The following MCOLN3 variants were observed in gnomAD, a reference collection of about 807,000 sequenced individuals.
MCOLN3 encodes mucolipin-3.
A neutral mutation model predicts 69.4 loss-of-function variants in MCOLN3; 62 were observed. The observed-to-expected ratio is 0.89, with a 90% CI of 0.73 to 1.10. The LOEUF (loss-of-function observed/expected upper bound fraction) is 1.10. Ranked by LOEUF, MCOLN3 falls within the 50% of genes least tolerant of loss-of-function variation. The pLI, the probability that MCOLN3 is intolerant of heterozygous loss-of-function variation, is 0.00. For missense variants in MCOLN3, 564 were observed against 656.4 expected, an observed-to-expected ratio of 0.86 and a Z score of 1.54; for synonymous variants, 183 against 217.0, an observed-to-expected ratio of 0.84 and a Z score of 1.38.
intron 12 of MCOLN3, among the ~76,000 whole-genome samples, chr1:85,020,181 A>T (rs1651856412): frequency 6.6e-6 from 1 of 152,204 alleles, no homozygotes; most frequent in Non-Finnish European, 1.5e-5. Flanking sequence ...TCCTAAGGAC[A>T]CATCTGCTAA....
Position 85,020,968 on chromosome 1 carries a change from T to A in MCOLN3, c.1527+102A>T, listed in dbSNP as rs563942793. Reference sequence around the variant, plus strand: ...TCCTTTTTCTCTATCCTGAAGAAATTAACATTCCATCAACTTTTCTTCTAC... The same window carrying A: ...TCCTTTTTCTCTATCCTGAAGAAATAAACATTCCATCAACTTTTCTTCTAC... On this transcript the variant is annotated intron_variant, in intron 12 of 12. Transcript: ENST00000370589. 26 of 807,272 alleles carry A rather than the reference T, an allele frequency of 3.2e-5. No individual in the cohort carries two copies. In the South Asian group the frequency reaches 5.3e-4, roughly 16 times the overall value. 50.0% of individuals were successfully genotyped at this position (807,272 alleles called of 1,614,324 possible). A position where few individuals can be genotyped will look rare whatever the true frequency, so the allele number is the denominator to read the frequency against.
In MCOLN3 at chr1:85,026,489, G is replaced by C. The variant is rs142930378; in HGVS notation, c.833-205C>G. Among the ~76,000 whole-genome samples the C allele has an allele frequency of 1.4e-3, 214 of 152,218 alleles. 1 individual carries two copies. Among genetic ancestry groups the C allele is most frequent in the Non-Finnish European group, 2.7e-3 (181 of 68,014 alleles). On this transcript the variant is annotated intron_variant, in intron 7 of 12. Coordinates refer to ENST00000370589, the MANE Select transcript of MCOLN3 (RefSeq NM_018298.11). ...ACCACAACTGAGGCTGGGTGTGGTG[G>C]CTCATGCCTGTAATCCCAGCACTTT...
chr1:85,022,282 T>C lies in MCOLN3; in HGVS notation c.1197+17A>G. The C allele has an allele frequency of 6.2e-7, 1 of 1,613,610 alleles. No homozygotes were observed. Among genetic ancestry groups the C allele is most frequent in the South Asian group, 1.1e-5 (1 of 91,062 alleles). On this transcript the variant is annotated intron_variant, in intron 10 of 12. Coordinates refer to ENST00000370589, the MANE Select transcript of MCOLN3 (RefSeq NM_018298.11). ...GAGAGAAATACCAACAGCATGGAGA[T>C]CCGTGGAATTCCTTACGTTGTACTT... is the stretch of plus-strand genomic sequence containing the variant.
chr1:85,027,837 G>A (rs1216200378), intron 7 of MCOLN3, among the ~76,000 whole-genome samples: 1 of 152,186 alleles, frequency 6.6e-6, no homozygotes, highest in Non-Finnish European at 1.5e-5. Context: ...AGCCAATGGA[G>A]AGAGGTGGGC....
In MCOLN3 at chr1:85,025,922, AT is replaced by A; in HGVS notation, c.1095+16del. On this transcript the variant is annotated intron_variant, in intron 9 of 12. Coordinates refer to ENST00000370589, the MANE Select transcript of MCOLN3 (RefSeq NM_018298.11). ...CAAATCTGACACTAACAATAGCATG[AT>A]TAGGAAAAAAATTACCTTAGCTTGG... is the stretch of plus-strand genomic sequence containing the variant. 1 of 1,583,568 alleles carries A rather than the reference AT, an allele frequency of 6.3e-7. No individual in the cohort carries two copies. Among genetic ancestry groups the A allele is most frequent in the South Asian group, 1.2e-5 (1 of 86,204 alleles).
intron 3 of MCOLN3, among the ~76,000 whole-genome samples, chr1:85,036,261 G>C (rs1023303040): frequency 1.7e-4 from 26 of 151,986 alleles, no homozygotes; most frequent in Admixed American, 3.3e-4. Flanking sequence ...GCATGATCTC[G>C]GCTCACTGCA....
At chr1:85,045,456 C>A in intron 1 of MCOLN3, 94 bp from the exon 2 acceptor site, 1 of 962,740 alleles carries the variant, frequency 1.0e-6, no homozygotes, top group East Asian at 2.6e-5. Flanking sequence ...AGGAGAAGCC[C>A]ATACAGAAGT....
At chr1:85,025,728 T>C (rs1252295771) in intron 9 of MCOLN3, 1 of 521,000 alleles carries the variant, frequency 1.9e-6, no homozygotes, top group African/African-American at 1.9e-5. Flanking sequence ...CCAATGATTC[T>C]GATGCAATGG....
chr1:85,027,210 GA>G (rs1464808592), intron 7 of MCOLN3, among the ~76,000 whole-genome samples: 2 of 152,188 alleles, frequency 1.3e-5, no homozygotes, highest in African/African-American at 4.8e-5. Context: ...CTACTACAAA[GA>G]AGTAAACAAA....
At chr1:85,019,401 T>A (rs1350973750) in intron 12 of MCOLN3, 144 bp from the exon 13 acceptor site, 2 of 765,132 alleles carry the variant, frequency 2.6e-6, no homozygotes, top group East Asian at 2.7e-5. Flanking sequence ...AAAGGAGATG[T>A]AGCCTCTAGA....
At chr1:85,047,242 G>T (rs1653399061) in intron 1 of MCOLN3, 1 of 152,234 alleles carries the variant, frequency 6.6e-6, no homozygotes, top group Non-Finnish European at 1.5e-5. Flanking sequence ...AAGCCAACCA[G>T]CATATATTCA....
chr1:85,046,467 C>T (rs902659524), intron 1 of MCOLN3, among the ~76,000 whole-genome samples: 1 of 152,076 alleles, frequency 6.6e-6, no homozygotes, highest in Admixed American at 6.6e-5. Context: ...GAAACCTGTT[C>T]AAAGTAAAAT....
At chr1:85,025,605 C>A in intron 9 of MCOLN3, 4 of 170,200 alleles carry the variant, frequency 2.4e-5, no homozygotes, top group South Asian at 1.6e-4. Context: ...AAAAAAAAAA[C>A]TCTTACCTTA....
At chr1:85,032,084 A>AAGAGAG (rs147505457) in intron 6 of MCOLN3, among the ~76,000 whole-genome samples, 19 of 148,972 alleles carry the variant, frequency 1.3e-4, no homozygotes, top group African/African-American at 3.5e-4. Flanking sequence ...TCAAAAAAAG[A>AAGAGAG]AGAGAGAGAG....
intron 12 of MCOLN3, among the ~76,000 whole-genome samples, chr1:85,019,683 A>C (rs1413954206): frequency 6.6e-6 from 1 of 152,220 alleles, no homozygotes; most frequent in Non-Finnish European, 1.5e-5. Context: ...TAAATTAACA[A>C]GGTTTTCTAG....
intron 6 of MCOLN3, 147 bp from the exon 7 acceptor site, chr1:85,029,352 GA>G: frequency 1.7e-6 from 1 of 595,700 alleles, no homozygotes; most frequent in Non-Finnish European, 3.0e-6. Flanking sequence ...TCAACCATGG[GA>G]AGTTCTCTTC....
intron 12 of MCOLN3, among the ~76,000 whole-genome samples, chr1:85,020,027 C>T (rs1018279497): frequency 2.0e-5 from 3 of 152,154 alleles, no homozygotes; most frequent in Non-Finnish European, 4.4e-5. Context: ...AAGGTGAAAA[C>T]CCATGTTATC....
rs764294843 is a variant in MCOLN3, at chr1:85,026,240, T to G, written c.877A>C (p.Ile293Leu). The G allele has an allele frequency of 2.5e-6, 4 of 1,614,102 alleles. No homozygotes were observed. Among genetic ancestry groups the G allele is most frequent in the Non-Finnish European group, 3.4e-6 (4 of 1,179,980 alleles). Residue 293 changes from isoleucine (I) to leucine (L), a missense_variant, in exon 8 of 13, where the codon ATT becomes CTT. By Grantham distance (5) the Ile-to-Leu change is conservative (BLOSUM62 2). Transcript: ENST00000370589. ...ATTAATGAAACCAAGCAAGTCAGAA[T>G]GACAAAGGCATCAAAGATCATCATG... ...HYMMIFDAFVILTCLVSLILC... is the reference protein window; with the variant it reads ...HYMMIFDAFVLLTCLVSLILC...
At chr1:85,020,593 G>T (rs1651875955) in intron 12 of MCOLN3, among the ~76,000 whole-genome samples, 1 of 152,174 alleles carries the variant, frequency 6.6e-6, no homozygotes, top group Non-Finnish European at 1.5e-5. Flanking sequence ...TGCTATTCTG[G>T]AGGCTGGGCC....
Sources: gnomAD v4.1 joint callset for allele counts (sites outside exome capture counted in the v4.1 genomes callset) on GRCh38, gnomAD v4.1.1 for gene constraint, MANE v1.5 for transcripts, NCBI Gene and HGNC (gene_info 2026-07-23, HGNC 2026-07-21) for gene names.